Variants in SNX32 observed in about 807,000 individuals in gnomAD.
The protein encoded by SNX32 is sorting nexin-32.
In SNX32, 58 loss-of-function variants were observed where a neutral mutation model predicts 57.0. The ratio of observed to expected loss-of-function variants is 1.02; its 90% CI spans 0.82 to 1.27. The LOEUF is 1.27. Among genes scored for constraint, SNX32 ranks in the 50% most tolerant of loss-of-function variants. SNX32 has a pLI of 0.00. For synonymous variants in SNX32, 262 were observed against 220.4 expected (o/e 1.19, Z -1.67); for missense variants, 589 against 541.2 (o/e 1.09, Z -0.88).
chr11:65,847,577 T>C (rs1020404759), intron 1 of SNX32, among the ~76,000 whole-genome samples: 1 of 152,082 alleles, frequency 6.6e-6, no homozygotes, highest in Non-Finnish European at 1.5e-5. Flanking sequence ...CACTTAAAAT[T>C]TGTGCACTTT....
Position 65,852,473 on chromosome 11 carries a change from G to T in SNX32, c.834G>T (p.Glu278Asp). The T allele has an allele frequency of 3.1e-6, 5 of 1,614,194 alleles. No homozygotes were observed. The highest frequency in any genetic ancestry group is 4.2e-6 in the Non-Finnish European group (5 of 1,180,030). Residue 278 changes from glutamate to aspartate, a missense_variant, in exon 10 of 13, where the codon GAG becomes GAT. Physicochemically the swap from Glu to Asp is conservative, Grantham distance 45. Transcript: ENST00000308342. ...AELFERLRKL[E>D]GRVASDEDLK... ...CCACCTTTCTGATGCAGAAGCTGGAGGGCCGGGTGGCTTCCGATGAGGACC... is the reference window on the plus strand; with the variant it reads ...CCACCTTTCTGATGCAGAAGCTGGATGGCCGGGTGGCTTCCGATGAGGACC...
chr11:65,852,970 C>A lies in SNX32; in HGVS notation c.1158+12C>A. On this transcript the variant is annotated intron_variant, in intron 12 of 12. Coordinates refer to ENST00000308342, the MANE Select transcript of SNX32 (RefSeq NM_152760.3). The stretch of plus-strand genomic sequence containing the variant: ...TCAAACACGCCAAGGTGAGCCCTCC[C>A]ACCTCACTGGGCCCTTGTGAAGCCT... 1 of 1,613,862 alleles carries A rather than the reference C, an allele frequency of 6.2e-7. No homozygotes were observed. Among genetic ancestry groups the A allele is most frequent in the Non-Finnish European group, 8.5e-7 (1 of 1,179,842 alleles).
Position 65,851,418 on chromosome 11 carries a change from C to G in SNX32, c.785+15C>G, listed in dbSNP as rs758604598. Reference sequence around the variant, plus strand: ...CAGCTAAGGACGTGAGGACTCCCCCCACCCCTACCCTCTCCCTGTGCCTGT... The same window carrying G: ...CAGCTAAGGACGTGAGGACTCCCCCGACCCCTACCCTCTCCCTGTGCCTGT... On this transcript the variant is annotated intron_variant, in intron 8 of 12. Coordinates refer to ENST00000308342, the MANE Select transcript of SNX32 (RefSeq NM_152760.3). 72 of 1,613,364 alleles carry G rather than the reference C, an allele frequency of 4.5e-5. No individual in the cohort carries two copies. Among genetic ancestry groups the G allele is most frequent in the Admixed American group, 1.3e-4 (8 of 59,980 alleles).
chr11:65,839,723 AC>A (rs1246843748), intron 1 of SNX32, among the ~76,000 whole-genome samples: 1 of 137,094 alleles, frequency 7.3e-6, no homozygotes, highest in Admixed American at 8.1e-5. Flanking sequence ...ACACAGTGAG[AC>A]CCTGTCCCAA....
intron 1 of SNX32, among the ~76,000 whole-genome samples, chr11:65,839,223 G>GTTTTTTTTTTTTGTTTTT (rs755185237): frequency 8.7e-5 from 2 of 23,078 alleles, no homozygotes; most frequent in African/African-American, 2.0e-4. Context: ...TAATTTTTTT[G>GTTTTTTTTTTTTGTTTTT]TATTTTTTTT....
chr11:65,838,173 GGAAA>G (rs1012737826), intron 1 of SNX32, among the ~76,000 whole-genome samples: 8 of 142,058 alleles, frequency 5.6e-5, no homozygotes, highest in East Asian at 4.1e-4. Context: ...AAAGAAAGAA[GGAAA>G]GAAAGAAGGA....
Position 65,842,898 on chromosome 11 carries a change from C to T in SNX32, c.37-6580C>T, listed in dbSNP as rs180946412. Among the ~76,000 whole-genome samples the T allele has an allele frequency of 8.0e-5, 11 of 137,044 alleles. No individual in the cohort carries two copies. The East Asian group carries it at 2.3e-3, about 28-fold the overall frequency. 89.9% of individuals were successfully genotyped at this position (137,044 alleles called of 152,430 possible). ...CTGGGAGGCGGAGGTTGCAATGAGCCGAGATCCGCCATTGCACTCCAGCCT... is the reference window on the plus strand; with the variant it reads ...CTGGGAGGCGGAGGTTGCAATGAGCTGAGATCCGCCATTGCACTCCAGCCT... On this transcript the variant is annotated intron_variant, in intron 1 of 12. Transcript: ENST00000308342.
At chr11:65,836,353 G>A (rs577930317) in intron 1 of SNX32, among the ~76,000 whole-genome samples, 4 of 152,086 alleles carry the variant, frequency 2.6e-5, no homozygotes, top group Non-Finnish European at 5.9e-5. Flanking sequence ...GACTAGCCTG[G>A]CCAACATGGT....
At chr11:65,839,223 G>GTTTTTTTTGTTTTTTT (rs755185237) in intron 1 of SNX32, among the ~76,000 whole-genome samples, 2 of 23,078 alleles carry the variant, frequency 8.7e-5, no homozygotes, top group Non-Finnish European at 1.4e-4. Flanking sequence ...TAATTTTTTT[G>GTTTTTTTTGTTTTTTT]TATTTTTTTT....
At chr11:65,834,540 A>G in intron 1 of SNX32, among the ~76,000 whole-genome samples, 1 of 127,118 alleles carries the variant, frequency 7.9e-6, no homozygotes, top group African/African-American at 3.2e-5. Flanking sequence ...GTGTCTGTGC[A>G]TGTCTGTGTG....
At chr11:65,842,944 C>T (rs560511331) in intron 1 of SNX32, among the ~76,000 whole-genome samples, 31 of 103,492 alleles carry the variant, frequency 3.0e-4, no homozygotes, top group Non-Finnish European at 5.2e-4. Context: ...AGCGAAACTC[C>T]ATCTCAAAAA....
At chr11:65,837,120 A>G (rs1858690512) in intron 1 of SNX32, among the ~76,000 whole-genome samples, 1 of 152,168 alleles carries the variant, frequency 6.6e-6, no homozygotes, top group Non-Finnish European at 1.5e-5. Flanking sequence ...TATTTAAATA[A>G]TCCAAAAGAG....
intron 6 of SNX32, 72 bp from the exon 7 acceptor site, chr11:65,850,983 C>G: frequency 1.2e-5 from 19 of 1,526,518 alleles, no homozygotes; most frequent in East Asian, 2.3e-5. Flanking sequence ...GAGATTTTGC[C>G]AACCCTGGGT....
intron 1 of SNX32, among the ~76,000 whole-genome samples, chr11:65,841,209 G>A (rs1392674789): frequency 1.3e-5 from 2 of 149,848 alleles, no homozygotes; most frequent in Non-Finnish European, 1.5e-5. Context: ...GCCTCCCAAA[G>A]TGCATGAGCC....
chr11:65,833,979 C>T lies in SNX32; in HGVS notation c.-87C>T, dbSNP rs1858573808. On this transcript the variant is annotated 5_prime_UTR_variant, in exon 1 of 13. Transcript: ENST00000308342. The stretch of plus-strand genomic sequence containing the variant: ...AGCGTCCCCGTCAGCTGAGAGCATC[C>T]TCACTCGGTCAGTTCCTCGGGCGAG... 1.4e-6 allele frequency: 2 copies of T among 1,456,004 alleles called. No homozygotes were observed. The highest frequency in any genetic ancestry group is 1.9e-4 in the Middle Eastern group (1 of 5,294). The allele number at this position is 1,456,004 out of a possible 1,614,324, so 90.2% of individuals were successfully genotyped here.
At position 65,852,904 on chromosome 11, in the gene SNX32, C is replaced by T. The variant is rs755979415; in HGVS notation, c.1104C>T (p.Ser368=). 4 of 1,614,060 alleles carry T rather than the reference C, an allele frequency of 2.5e-6. No homozygotes were observed. The highest frequency in any genetic ancestry group is 3.4e-6 in the Non-Finnish European group (4 of 1,180,030). Residue 368 remains serine (S), a synonymous_variant, in exon 12 of 13, where the codon TCC becomes TCT. Coordinates refer to ENST00000308342, the MANE Select transcript of SNX32 (RefSeq NM_152760.3). ...TGGACTTCAAGTCCCGCCGGGTCTC[C>T]TCTTTTCGAAAGAATCTCATTGAGC... ...ELMDFKSRRV[S]SFRKNLIELA...
rs1859099639 is a variant in SNX32 at position 65,849,583 on chromosome 11, G to A, written c.141+1G>A. 1.9e-6 allele frequency: 3 copies of A among 1,613,762 alleles called. No individual in the cohort carries two copies. The highest frequency in any genetic ancestry group is 1.3e-5 in the African/African-American group (1 of 74,948). ...GGTGAAATTCACTGTTCAAACAAAG[G>A]TGAGGCAGTGCGGGGCACGAGGAAA... On this transcript the variant is annotated splice_donor_variant, in intron 2 of 12. Coordinates refer to ENST00000308342, the MANE Select transcript of SNX32 (RefSeq NM_152760.3). LOFTEE classifies it high-confidence loss of function.
At chr11:65,843,371 C>T (rs990817951) in intron 1 of SNX32, among the ~76,000 whole-genome samples, 2 of 151,928 alleles carry the variant, frequency 1.3e-5, no homozygotes, top group Non-Finnish European at 2.9e-5. Flanking sequence ...GAGTTTGAGA[C>T]CAGCCTGGCC....
intron 1 of SNX32, among the ~76,000 whole-genome samples, chr11:65,842,374 C>T (rs966758624): frequency 1.3e-5 from 2 of 152,188 alleles, no homozygotes; most frequent in African/African-American, 2.4e-5. Flanking sequence ...AATCACCGGG[C>T]GTGGTGGATC....
Sources: gnomAD v4.1 joint callset for allele counts (sites outside exome capture counted in the v4.1 genomes callset) on GRCh38, gnomAD v4.1.1 for gene constraint, MANE v1.5 for transcripts, NCBI Gene and HGNC (gene_info 2026-07-23, HGNC 2026-07-21) for gene names.